The following CRP variants were observed in gnomAD, a reference collection of about 807,000 sequenced individuals.
The protein encoded by CRP is C-reactive protein, also known as C-reactive protein, pentraxin-related.
In CRP, 6 loss-of-function variants were observed where a neutral mutation model predicts 3.0. That is an observed-to-expected ratio of 2.02 (90% confidence interval 1.11 to 3.99). The LOEUF (loss-of-function observed/expected upper bound fraction) is 3.99. Among genes scored for constraint, CRP ranks in the 30% most tolerant of loss-of-function variants. The pLI is 0.00. For missense variants in CRP, 297 were observed against 271.0 expected, an observed-to-expected ratio of 1.10 and a Z score of -0.67; for synonymous variants, 130 against 111.0, an observed-to-expected ratio of 1.17 and a Z score of -1.08.
chr1:159,713,681 G>T lies in CRP; in HGVS notation c.519C>A (p.Asp173Glu). The T allele has an allele frequency of 6.2e-7, 1 of 1,614,158 alleles. No individual in the cohort carries two copies. Among genetic ancestry groups the T allele is most frequent in the Non-Finnish European group, 8.5e-7 (1 of 1,180,042 alleles). Residue 173 changes from aspartate (D) to glutamate (E), a missense_variant, in exon 2 of 2, where the codon GAC becomes GAA. By Grantham distance (45) the Asp-to-Glu change is conservative. Transcript: ENST00000255030. ...NFEGSQSLVG[D>E]IGNVNMWDFV... ...AGTCCCACATGTTCACATTTCCAAT[G>T]TCTCCCACCAGGGACTGGCTTCCTT...
rs541480594 is a variant in CRP at position 159,713,735 on chromosome 1, C to T, written c.465G>A (p.Gln155=). The part of the protein sequence containing the change: ...VGAEASIILG[Q]EQDSFGGNFE... ...AGTTCCCACCGAAGGAATCCTGCTC[C>T]TGCCCCAAGATGATGCTTGCTTCTG... The change falls in exon 2 of 2, where the codon CAG becomes CAA. Residue 155 remains glutamine, a synonymous_variant. Transcript: ENST00000255030. 1 of 1,614,206 alleles carries T rather than the reference C, an allele frequency of 6.2e-7. No homozygotes were observed. The highest frequency in any genetic ancestry group is 1.7e-5 in the Admixed American group (1 of 60,032).
Position 159,713,461 on chromosome 1 carries a change from C to A in CRP, c.*64G>T. On this transcript the variant is annotated 3_prime_UTR_variant, in exon 2 of 2. Transcript: ENST00000255030. ...GTAAAAAAGCGGGAGGTACCAGAGA[C>A]AGAGACGTGGGGCCCATGCGGTGTA... 6.5e-7 allele frequency: 1 copy of A among 1,533,426 alleles called. No individual in the cohort carries two copies. The highest frequency in any genetic ancestry group is 8.7e-7 in the Non-Finnish European group (1 of 1,146,948). 95.0% of individuals were successfully genotyped at this position (1,533,426 alleles called of 1,614,324 possible). A position where few individuals can be genotyped will look rare whatever the true frequency, so the allele number is the denominator to read the frequency against.
rs376990385 is a variant in CRP at position 159,714,491 on chromosome 1, C to T, written c.-6G>A. 3.7e-6 allele frequency: 6 copies of T among 1,613,842 alleles called. No individual in the cohort carries two copies. The highest frequency in any genetic ancestry group is 2.2e-5 in the East Asian group (1 of 44,880). On this transcript the variant is annotated 5_prime_UTR_variant, in exon 1 of 2. The change creates a new upstream start codon in the 5' untranslated region. Coordinates refer to ENST00000255030, the MANE Select transcript of CRP (RefSeq NM_000567.3). ...AAACACAACAGCTTCTCCATGGTCA[C>T]GTCCTGCTGCCAGTGATACAAGGGC... is the stretch of plus-strand genomic sequence containing the variant.
chr1:159,714,396 T>A (rs1417938), intron 1 of CRP, 29 bp downstream of exon 1: 463,192 of 1,583,888 alleles, frequency 0.29, 70,214 homozygotes, highest in Admixed American at 0.35. Flanking sequence ...TCAGATCAAA[T>A]CTCTCCCATA....
Position 159,713,446 on chromosome 1 carries a change from G to T in CRP, c.*79C>A. On this transcript the variant is annotated 3_prime_UTR_variant, in exon 2 of 2. Coordinates refer to ENST00000255030, the MANE Select transcript of CRP (RefSeq NM_000567.3). ...TGGGAACCATGCAGTGTAAAAAAGC[G>T]GGAGGTACCAGAGACAGAGACGTGG... 6.6e-7 allele frequency: 1 copy of T among 1,515,052 alleles called. No homozygotes were observed. 93.9% of individuals were successfully genotyped at this position (1,515,052 alleles called of 1,614,324 possible).
chr1:159,713,118 G>A lies in CRP; in HGVS notation c.*407C>T, dbSNP rs1660716613. On this transcript the variant is annotated 3_prime_UTR_variant, in exon 2 of 2. Transcript: ENST00000255030. ...CCTGCTTTCTGGGGGTCATGGGTGG[G>A]GAATTAAATAGAAGATCAGCGCTTC... is the stretch of plus-strand genomic sequence containing the variant. 1 of 166,642 alleles carries A rather than the reference G, an allele frequency of 6.0e-6. No homozygotes were observed. The highest frequency in any genetic ancestry group is 2.4e-5 in the African/African-American group (1 of 41,600). The allele number at this position is 166,642 out of a possible 1,614,324, so 10.3% of individuals were successfully genotyped here. A position where few individuals can be genotyped will look rare whatever the true frequency, so the allele number is the denominator to read the frequency against.
In CRP at chr1:159,713,454, C is replaced by T; in HGVS notation, c.*71G>A. On this transcript the variant is annotated 3_prime_UTR_variant, in exon 2 of 2. Coordinates refer to ENST00000255030, the MANE Select transcript of CRP (RefSeq NM_000567.3). ...ATGCAGTGTAAAAAAGCGGGAGGTA[C>T]CAGAGACAGAGACGTGGGGCCCATG... 8 of 1,528,376 alleles carry T rather than the reference C, an allele frequency of 5.2e-6. No individual in the cohort carries two copies. The highest frequency in any genetic ancestry group is 6.1e-6 in the Non-Finnish European group (7 of 1,143,864). 94.7% of individuals were successfully genotyped at this position (1,528,376 alleles called of 1,614,324 possible). A position where few individuals can be genotyped will look rare whatever the true frequency, so the allele number is the denominator to read the frequency against.
intron 1 of CRP, 110 bp downstream of exon 1, chr1:159,714,315 G>T: frequency 8.5e-7 from 1 of 1,175,162 alleles, no homozygotes; most frequent in South Asian, 1.5e-5. Context: ...ATGCTCCACT[G>T]TTCTGTTCAT....
chr1:159,714,379 C>T, intron 1 of CRP, 46 bp downstream of exon 1: 1 of 1,565,926 alleles, frequency 6.4e-7, no homozygotes, highest in Non-Finnish European at 8.8e-7. Context: ...GACCCCACCC[C>T]CATACCTCAG....
chr1:159,714,505 T>G lies in CRP; in HGVS notation c.-20A>C. ...CTCCATGGTCACGTCCTGCTGCCAG[T>G]GATACAAGGGCCTGAATTCACTCCT... is the stretch of plus-strand genomic sequence containing the variant. On this transcript the variant is annotated 5_prime_UTR_variant, in exon 1 of 2. Coordinates refer to ENST00000255030, the MANE Select transcript of CRP (RefSeq NM_000567.3). The G allele has an allele frequency of 5.6e-6, 9 of 1,613,616 alleles. No homozygotes were observed. Among genetic ancestry groups the G allele is most frequent in the Non-Finnish European group, 5.1e-6 (6 of 1,179,902 alleles).
Position 159,713,502 on chromosome 1 carries a change from C to A in CRP, c.*23G>T, listed in dbSNP as rs756160119. 1.9e-6 allele frequency: 3 copies of A among 1,580,612 alleles called. No homozygotes were observed. Among genetic ancestry groups the A allele is most frequent in the Non-Finnish European group, 2.6e-6 (3 of 1,165,518 alleles). On this transcript the variant is annotated 3_prime_UTR_variant, in exon 2 of 2. Coordinates refer to ENST00000255030, the MANE Select transcript of CRP (RefSeq NM_000567.3). ...ATGCGGTGTAAAAAACCGGGAGGTACCTTCAGGACCCACAGCTGGGCCTCA... is the reference window on the plus strand; with the variant it reads ...ATGCGGTGTAAAAAACCGGGAGGTAACTTCAGGACCCACAGCTGGGCCTCA...
intron 1 of CRP, 41 bp downstream of exon 1, chr1:159,714,384 C>T: frequency 6.5e-7 from 1 of 1,545,748 alleles, no homozygotes. Context: ...CACCCCCATA[C>T]CTCAGATCAA....
chr1:159,714,294 CA>C, intron 1 of CRP, 130 bp downstream of exon 1: 1 of 1,052,350 alleles, frequency 9.5e-7, no homozygotes, highest in Non-Finnish European at 1.4e-6. Context: ...CACACACACA[CA>C]CCATGAAGGA....
Position 159,713,363 on chromosome 1 carries a change from G to A in CRP, c.*162C>T, listed in dbSNP as rs372821222. On this transcript the variant is annotated 3_prime_UTR_variant, in exon 2 of 2. Transcript: ENST00000255030. The stretch of plus-strand genomic sequence containing the variant: ...CTTTACCTCCATTCTCAGGCGCTGA[G>A]GAGGGTGGAGCAGGCCTGCAATGCA... The A allele has an allele frequency of 6.6e-5, 55 of 839,138 alleles. No individual in the cohort carries two copies. The highest frequency in any genetic ancestry group is 4.8e-4 in the African/African-American group (28 of 58,598). The allele number at this position is 839,138 out of a possible 1,614,324, so 52.0% of individuals were successfully genotyped here. A position where few individuals can be genotyped will look rare whatever the true frequency, so the allele number is the denominator to read the frequency against.
Position 159,713,448 on chromosome 1 carries a change from G to A in CRP, c.*77C>T. The A allele has an allele frequency of 2.0e-6, 3 of 1,518,798 alleles. No homozygotes were observed. The highest frequency in any genetic ancestry group is 1.8e-6 in the Non-Finnish European group (2 of 1,137,590). 94.1% of individuals were successfully genotyped at this position (1,518,798 alleles called of 1,614,324 possible). A position where few individuals can be genotyped will look rare whatever the true frequency, so the allele number is the denominator to read the frequency against. On this transcript the variant is annotated 3_prime_UTR_variant, in exon 2 of 2. Transcript: ENST00000255030. ...GGAACCATGCAGTGTAAAAAAGCGG[G>A]AGGTACCAGAGACAGAGACGTGGGG...
At position 159,713,558 on chromosome 1, in the gene CRP, G is replaced by A. The variant is rs776340499; in HGVS notation, c.642C>T (p.Gly214=). ...ACAGCTGGGGTTTGGTGAACACTTCGCCTTGCACTTCATACTTCAGTGCCC... is the reference window on the plus strand; with the variant it reads ...ACAGCTGGGGTTTGGTGAACACTTCACCTTGCACTTCATACTTCAGTGCCC... ...NWRALKYEVQ[G]EVFTKPQLWP The change falls in exon 2 of 2, where the codon GGC becomes GGT. Residue 214 remains glycine, a synonymous_variant. Coordinates refer to ENST00000255030, the MANE Select transcript of CRP (RefSeq NM_000567.3). 40 of 1,613,274 alleles carry A rather than the reference G, an allele frequency of 2.5e-5. No homozygotes were observed. Among genetic ancestry groups the A allele is most frequent in the Middle Eastern group, 3.6e-4 (2 of 5,588 alleles).
At chr1:159,714,239 C>G (rs1660764515) in intron 1 of CRP, 101 bp from the exon 2 acceptor site, 2 of 1,384,058 alleles carry the variant, frequency 1.4e-6, no homozygotes, top group Admixed American at 2.3e-5. Context: ...ACAGACTGAC[C>G]CCTTCTCCAG....
At position 159,713,526 on chromosome 1, in the gene CRP, C is replaced by G; in HGVS notation, c.674G>C (p.Ter225SerextTer70). The change falls in exon 2 of 2, where the codon TGA becomes TCA. Residue 225 changes from the stop codon to serine, a stop_lost. Transcript: ENST00000255030. ...ACCTTCAGGACCCACAGCTGGGCCT[C>G]AGGGCCACAGCTGGGGTTTGGTGAA... ...EVFTKPQLWP[*>S] 6.2e-7 allele frequency: 1 copy of G among 1,606,864 alleles called. No individual in the cohort carries two copies. Among genetic ancestry groups the G allele is most frequent in the Non-Finnish European group, 8.5e-7 (1 of 1,176,090 alleles).
chr1:159,714,283 A>G, intron 1 of CRP, 142 bp downstream of exon 1: 1 of 1,093,516 alleles, frequency 9.1e-7, no homozygotes, highest in East Asian at 2.5e-5. Flanking sequence ...ACACACACAC[A>G]CACACACACA....
Sources: gnomAD v4.1 joint callset for allele counts on GRCh38, gnomAD v4.1.1 for gene constraint, MANE v1.5 for transcripts, NCBI Gene and HGNC (gene_info 2026-07-23, HGNC 2026-07-21) for gene names.